CRLF2: variants seen among roughly 807,000 people sequenced by gnomAD.
CRLF2 encodes cytokine receptor like factor 2.
CRLF2 carries 41 observed loss-of-function variants against 38.7 expected under a neutral mutation model. That is an observed-to-expected ratio of 1.06 (90% CI 0.83 to 1.37). CRLF2 has a LOEUF of 1.37. CRLF2 is among the 40% of genes most tolerant of loss of function. The pLI, the probability that CRLF2 is intolerant of heterozygous loss-of-function variation, is 0.00. For synonymous variants in CRLF2, 140 were observed against 128.8 expected (o/e 1.09, Z -0.59); for missense variants, 377 against 322.2 (o/e 1.17, Z -1.30).
In CRLF2 at chrX:1,196,863, C is replaced by G. The variant is rs761008175; in HGVS notation, c.684G>C (p.Lys228Asn). The change falls in exon 6 of 8, where the codon AAG becomes AAC. Residue 228 changes from lysine to asparagine, a missense_variant. Coordinates refer to ENST00000400841, the MANE Select transcript of CRLF2 (RefSeq NM_022148.4). ...CAETPTPPKP[K>N]LSKFILISSL... ...TGGAAATTAAAATAAATTTGGACAGCTTTGGTTTGGGAGGCGTTGGTGTCT... is the reference window on the plus strand; with the variant it reads ...TGGAAATTAAAATAAATTTGGACAGGTTTGGTTTGGGAGGCGTTGGTGTCT... 2.7e-5 allele frequency: 44 copies of G among 1,613,458 alleles called. No individual in the cohort carries two copies. The South Asian group carries it at 4.7e-4, about 17-fold the overall frequency.
chrX:1,205,647 A>C (rs1414658823), intron 3 of CRLF2, among the ~76,000 whole-genome samples: 11 of 150,842 alleles, frequency 7.3e-5, no homozygotes, highest in South Asian at 2.1e-4. Flanking sequence ...TATTTATGGC[A>C]ATAAGCTGAA....
intron 3 of CRLF2, among the ~76,000 whole-genome samples, chrX:1,204,433 G>C (rs762681802): frequency 4.3e-4 from 65 of 151,946 alleles, no homozygotes; most frequent in African/African-American, 1.5e-3. Flanking sequence ...TCTCCATGTT[G>C]GTCAGGCTGG....
intron 2 of CRLF2, among the ~76,000 whole-genome samples, chrX:1,206,985 C>T (rs1346130687): frequency 2.2e-5 from 3 of 136,386 alleles, no homozygotes; most frequent in Non-Finnish European, 4.7e-5. Flanking sequence ...TCGCTCTGTC[C>T]CTGAGGCTGG....
At chrX:1,197,048 T>G (rs1403560342) in intron 5 of CRLF2, 148 bp from the exon 6 acceptor site, 1 of 662,486 alleles carries the variant, frequency 1.5e-6, no homozygotes, top group Non-Finnish European at 2.4e-6. Flanking sequence ...TTGTTTTTTG[T>G]TTTGTTTTTG....
chrX:1,192,608 TTCTTTCCTTCTTTCTC>T (rs1305431269), intron 7 of CRLF2, among the ~76,000 whole-genome samples: 1 of 151,098 alleles, frequency 6.6e-6, no homozygotes, highest in Non-Finnish European at 1.5e-5. Context: ...CTTCCTTTCT[TTCTTTCCTTCTTTCTC>T]TCTCTTTCTT....
intron 6 of CRLF2, 54 bp from the exon 7 acceptor site, chrX:1,193,356 T>A (rs1418910594): frequency 5.0e-5 from 20 of 398,036 alleles, no homozygotes; most frequent in Non-Finnish European, 8.4e-5. Context: ...GCAGGAAGGG[T>A]TGGCAAGAAG....
chrX:1,195,887 AGATTAAATTAAATATG>A (rs2086465528), intron 6 of CRLF2, among the ~76,000 whole-genome samples: 2 of 140,150 alleles, frequency 1.4e-5, no homozygotes, highest in African/African-American at 5.2e-5. Flanking sequence ...TATTTTATAT[AGATTAAATTAAATATG>A]TATTTATATA....
Position 1,198,738 on chromosome X carries a change from C to CAT in CRLF2, c.484-15_484-14insAT. On this transcript the variant is annotated splice_polypyrimidine_tract_variant and intron_variant, in intron 4 of 7. Transcript: ENST00000400841. ...TTCCTGTTTGGACTGGAGAAACATACACACACACACACACACACACACACA... is the reference window on the plus strand; with the variant it reads ...TTCCTGTTTGGACTGGAGAAACATACATACACACACACACACACACACACACA... The CAT allele has an allele frequency of 1.8e-6, 1 of 559,266 alleles. No homozygotes were observed. Among genetic ancestry groups the CAT allele is most frequent in the Non-Finnish European group, 2.8e-6 (1 of 353,960 alleles). 34.6% of individuals were successfully genotyped at this position (559,266 alleles called of 1,614,324 possible). A position where few individuals can be genotyped will look rare whatever the true frequency, so the allele number is the denominator to read the frequency against.
At chrX:1,191,894 C>T (rs1436986664) in intron 7 of CRLF2, among the ~76,000 whole-genome samples, 2 of 152,120 alleles carry the variant, frequency 1.3e-5, no homozygotes, top group Admixed American at 6.6e-5. Context: ...CAAGGTGATT[C>T]CAAAGTTAAG....
chrX:1,205,595 A>C (rs1185649994), intron 3 of CRLF2, among the ~76,000 whole-genome samples: 2 of 152,060 alleles, frequency 1.3e-5, no homozygotes, highest in East Asian at 3.9e-4. Context: ...GCTTTTCAAT[A>C]GTTACGGTAA....
chrX:1,211,070 TTGG>T (rs1336046671), intron 1 of CRLF2, among the ~76,000 whole-genome samples: 2 of 148,498 alleles, frequency 1.3e-5, no homozygotes, highest in Non-Finnish European at 3.0e-5. Context: ...GATGGATGTG[TTGG>T]TGGATGGATG....
Position 1,196,873 on chromosome X carries a change from G to C in CRLF2, c.674C>G (p.Pro225Arg). 6.2e-7 allele frequency: 1 copy of C among 1,613,554 alleles called. No homozygotes were observed. Among genetic ancestry groups the C allele is most frequent in the East Asian group, 2.2e-5 (1 of 44,868 alleles). The change falls in exon 6 of 8, where the codon CCC becomes CGC. Residue 225 changes from proline to arginine, a missense_variant. By Grantham distance (103) the Pro-to-Arg change is moderately radical. Transcript: ENST00000400841. The stretch of plus-strand genomic sequence containing the variant: ...AATAAATTTGGACAGCTTTGGTTTG[G>C]GAGGCGTTGGTGTCTCTGCACAGGC... Reference protein sequence around the residue: ...RDACAETPTPPKPKLSKFILI... With the variant: ...RDACAETPTPRKPKLSKFILI...
intron 7 of CRLF2, 135 bp from the exon 8 acceptor site, chrX:1,191,295 C>CTGTTTCTTTCTTTCTT: frequency 3.0e-6 from 1 of 329,052 alleles, no homozygotes; most frequent in Non-Finnish European, 5.1e-6. Context: ...CTTTTCTTTT[C>CTGTTTCTTTCTTTCTT]TCTTTCTTTC....
At chrX:1,197,067 A>G (rs2086492751) in intron 5 of CRLF2, among the ~76,000 whole-genome samples, 167 bp from the exon 6 acceptor site, 1 of 146,562 alleles carries the variant, frequency 6.8e-6, no homozygotes, top group Non-Finnish European at 1.5e-5. Context: ...TGTTTTTTGT[A>G]AATATTCGTG....
intron 7 of CRLF2, among the ~76,000 whole-genome samples, chrX:1,192,002 G>A (rs1386954464): frequency 2.1e-4 from 30 of 144,312 alleles, no homozygotes; most frequent in East Asian, 2.3e-4. Flanking sequence ...TGAGGAGATC[G>A]AGACCATCCC....
At chrX:1,208,954 T>C (rs768528264) in intron 1 of CRLF2, 46 bp from the exon 2 acceptor site, 119 of 1,045,292 alleles carry the variant, frequency 1.1e-4, no homozygotes, top group Non-Finnish European at 1.6e-4. Flanking sequence ...GCAACTCTAT[T>C]TTTTTATTTT....
chrX:1,196,471 C>G lies in CRLF2; in HGVS notation c.767+309G>C, dbSNP rs190602494. Among the ~76,000 whole-genome samples the G allele has an allele frequency of 2.3e-4, 35 of 151,918 alleles. No homozygotes were observed. The East Asian group carries it at 6.7e-3, about 29-fold the overall frequency. ...AAAATACTGGGATTACAGGCGTGAA[C>G]CACCGTGCCTGACCCTAATTTTTGT... On this transcript the variant is annotated intron_variant, in intron 6 of 7. Coordinates refer to ENST00000400841, the MANE Select transcript of CRLF2 (RefSeq NM_022148.4).
chrX:1,193,781 CAAAAAAAAAAAAAA>C (rs1176813644), intron 6 of CRLF2, among the ~76,000 whole-genome samples: 2 of 58,970 alleles, frequency 3.4e-5, no homozygotes, highest in East Asian at 5.6e-4. Flanking sequence ...GACTCCATCT[CAAAAAAAAAAAAAA>C]AAAAAAAATA....
chrX:1,210,473 C>T (rs1351799995), intron 1 of CRLF2, among the ~76,000 whole-genome samples: 2 of 152,074 alleles, frequency 1.3e-5, no homozygotes, highest in Non-Finnish European at 2.9e-5. Flanking sequence ...GCCACCATGC[C>T]CGGCTGATTT....
Sources: gnomAD v4.1 joint callset for allele counts (sites outside exome capture counted in the v4.1 genomes callset) on GRCh38, gnomAD v4.1.1 for gene constraint, MANE v1.5 for transcripts, NCBI Gene and HGNC (gene_info 2026-07-23, HGNC 2026-07-21) for gene names.